Variants in NAALADL2 observed in about 807,000 individuals in gnomAD.
The protein encoded by NAALADL2 is inactive N-acetylated-alpha-linked acidic dipeptidase-like protein 2.
Under a neutral mutation model 87.2 loss-of-function variants are expected in NAALADL2, and 76 were observed. The observed-to-expected ratio is 0.87, with a 90% CI of 0.72 to 1.05. The LOEUF is 1.05. Among genes scored for constraint, NAALADL2 ranks in the 50% least tolerant of loss-of-function variants. NAALADL2 has a pLI of 0.00. For synonymous variants in NAALADL2, 354 were observed against 331.0 expected (o/e 1.07, Z -0.75); for missense variants, 1,089 against 945.8 (o/e 1.15, Z -1.99).
chr3:175,250,960 A>G (rs1327443028), intron 3 of NAALADL2, among the ~76,000 whole-genome samples: 3 of 152,168 alleles, frequency 2.0e-5, no homozygotes, highest in African/African-American at 4.8e-5. Context: ...TGATGTATTT[A>G]ACGCTTTATG....
At chr3:175,398,260 AAGAC>A (rs1297998599) in intron 5 of NAALADL2, among the ~76,000 whole-genome samples, 1 of 152,000 alleles carries the variant, frequency 6.6e-6, no homozygotes, top group Non-Finnish European at 1.5e-5. Flanking sequence ...AGGAAGTAAA[AAGAC>A]AGCCCCAGAC....
chr3:175,737,813 T>G, intron 12 of NAALADL2, among the ~76,000 whole-genome samples: 1 of 148,992 alleles, frequency 6.7e-6, no homozygotes, highest in East Asian at 2.0e-4. Flanking sequence ...TTGGTTTCTG[T>G]GTGGTATGGG....
chr3:175,136,968 C>A (rs899844157), intron 2 of NAALADL2, among the ~76,000 whole-genome samples: 1 of 152,134 alleles, frequency 6.6e-6, no homozygotes, highest in African/African-American at 2.4e-5. Context: ...CAAAAATACA[C>A]TTCTGTGTTA....
At chr3:174,741,497 T>A (rs1220845942) in intron 3 of NAALADL2, among the ~76,000 whole-genome samples, 1 of 151,628 alleles carries the variant, frequency 6.6e-6, no homozygotes, top group East Asian at 1.9e-4. Flanking sequence ...TTATAACCTA[T>A]CCTTGGAACT....
At chr3:175,234,426 T>A (rs1014863434) in intron 3 of NAALADL2, among the ~76,000 whole-genome samples, 1 of 152,134 alleles carries the variant, frequency 6.6e-6, no homozygotes, top group Non-Finnish European at 1.5e-5. Flanking sequence ...AATTCAAAGG[T>A]GTTGAATGTG....
rs201574419 is a variant in NAALADL2, at chr3:175,256,423, G to A, written c.832G>A (p.Asp278Asn). Residue 278 changes from aspartate (D) to asparagine (N), a missense_variant, in exon 4 of 14, where the codon GAT (aspartate) becomes AAT (asparagine). By Grantham distance (23) the Asp-to-Asn change is conservative. Transcript: ENST00000454872. ...AKGTLKAEVI[D>N]VSYGMADDLK... is the part of the protein sequence containing the mutation. ...TCTCCTCTTTCAGGCTGAAGTCATC[G>A]ATGTGAGTTATGGAATGGCAGATGA... is the stretch of plus-strand genomic sequence containing the variant. 1,087 of 1,609,380 alleles carry A rather than the reference G, an allele frequency of 6.8e-4. 1 individual carries two copies. The highest frequency in any genetic ancestry group is 8.7e-4 in the Non-Finnish European group (1,020 of 1,177,754).
intron 3 of NAALADL2, among the ~76,000 whole-genome samples, chr3:175,250,495 C>G (rs1447758797): frequency 6.6e-6 from 1 of 152,106 alleles, no homozygotes; most frequent in Non-Finnish European, 1.5e-5. Flanking sequence ...TTTGATAGTT[C>G]TTGAATGGGA....
At chr3:175,005,571 G>T (rs1748899876) in intron 1 of NAALADL2, among the ~76,000 whole-genome samples, 1 of 152,056 alleles carries the variant, frequency 6.6e-6, no homozygotes, top group Non-Finnish European at 1.5e-5. Context: ...ATATTGTAAG[G>T]TCTGTAGTCT....
At chr3:175,112,575 A>G (rs1724384208) in intron 2 of NAALADL2, 1 of 151,680 alleles carries the variant, frequency 6.6e-6, no homozygotes, top group Non-Finnish European at 1.5e-5. Flanking sequence ...GCAGAAGTCC[A>G]TTCTTCTTGA....
At chr3:175,174,953 T>C (rs939980702) in intron 2 of NAALADL2, among the ~76,000 whole-genome samples, 10 of 152,068 alleles carry the variant, frequency 6.6e-5, no homozygotes, top group African/African-American at 1.4e-4. Flanking sequence ...TAGGAACATA[T>C]AGAGTTAAAA....
At chr3:174,979,083 C>T (rs368051496) in intron 1 of NAALADL2, among the ~76,000 whole-genome samples, 2 of 152,150 alleles carry the variant, frequency 1.3e-5, no homozygotes, top group South Asian at 2.1e-4. Context: ...AAAAGGAAAG[C>T]TTTAAGACAG....
intron 9 of NAALADL2, among the ~76,000 whole-genome samples, chr3:175,535,641 T>A (rs930380222): frequency 2.0e-5 from 3 of 152,162 alleles, no homozygotes; most frequent in Admixed American, 6.5e-5. Context: ...GTCACTTGAT[T>A]TATAGCATTT....
At chr3:174,818,676 T>C (rs1225518011) in intron 3 of NAALADL2, among the ~76,000 whole-genome samples, 1 of 152,164 alleles carries the variant, frequency 6.6e-6, no homozygotes, top group Non-Finnish European at 1.5e-5. Flanking sequence ...CACAAAAGTC[T>C]CTTTGCTTTA....
intron 2 of NAALADL2, among the ~76,000 whole-genome samples, chr3:174,643,645 C>T (rs1402836965): frequency 2.6e-5 from 4 of 152,110 alleles, no homozygotes; most frequent in Admixed American, 2.6e-4. Context: ...TAGAGCTAGA[C>T]TCCCTCTCAA....
intron 2 of NAALADL2, among the ~76,000 whole-genome samples, chr3:175,126,008 A>G (rs1726888166): frequency 6.6e-6 from 1 of 152,100 alleles, no homozygotes; most frequent in African/African-American, 2.4e-5. Context: ...AAAATTTGGA[A>G]TTCTAAGAGT....
intron 2 of NAALADL2, among the ~76,000 whole-genome samples, chr3:175,154,721 G>A (rs1359097304): frequency 2.6e-5 from 4 of 152,072 alleles, no homozygotes; most frequent in South Asian, 2.1e-4. Context: ...TCTTACTTCT[G>A]AGGAATTAAT....
chr3:174,652,293 T>C (rs943506124), intron 2 of NAALADL2, among the ~76,000 whole-genome samples: 11 of 152,346 alleles, frequency 7.2e-5, no homozygotes, highest in South Asian at 6.2e-4. Context: ...TATAGAGGGA[T>C]ATCTTCGTGA....
intron 11 of NAALADL2, among the ~76,000 whole-genome samples, chr3:175,723,778 T>C (rs1742556181): frequency 6.6e-6 from 1 of 152,054 alleles, no homozygotes; most frequent in Non-Finnish European, 1.5e-5. Flanking sequence ...AAAAAATCCT[T>C]CCATCAAGAC....
chr3:175,637,358 C>T (rs1308535416), intron 11 of NAALADL2, among the ~76,000 whole-genome samples: 1 of 152,174 alleles, frequency 6.6e-6, no homozygotes, highest in Non-Finnish European at 1.5e-5. Flanking sequence ...CATACATAGA[C>T]AAAAGCAAAG....
Sources: allele counts gnomAD v4.1 joint callset (sites outside exome capture counted in the v4.1 genomes callset), GRCh38; gene constraint gnomAD v4.1.1; transcripts MANE v1.5; gene names NCBI Gene and HGNC (gene_info 2026-07-23, HGNC 2026-07-21).